The following NAV2 variants were observed in gnomAD, a reference collection of about 807,000 sequenced individuals.
NAV2 encodes neuron navigator 2.
A neutral mutation model predicts 223.2 loss-of-function variants in NAV2; 54 were observed. The observed-to-expected ratio is 0.24, with a 90% CI of 0.19 to 0.30. The LOEUF is 0.30. Among genes scored for constraint, NAV2 ranks in the 10% least tolerant of loss-of-function variants. The pLI is 1.00. For missense variants in NAV2, 2,806 were observed against 3,147.5 expected, an observed-to-expected ratio of 0.89 and a Z score of 2.60; for synonymous variants, 1,279 against 1,239.3, an observed-to-expected ratio of 1.03 and a Z score of -0.67.
At chr11:19,780,880 T>TTTTG (rs988549132) in intron 1 of NAV2, among the ~76,000 whole-genome samples, 94 of 152,246 alleles carry the variant, frequency 6.2e-4, no homozygotes, top group Non-Finnish European at 9.9e-4. Context: ...CAGGACTGTT[T>TTTTG]TTTGTTTGTT....
At chr11:20,057,629 T>C (rs923490601) in intron 19 of NAV2, among the ~76,000 whole-genome samples, 1 of 152,168 alleles carries the variant, frequency 6.6e-6, no homozygotes. Context: ...CCACAGAGCA[T>C]TTCCCAACCT....
At chr11:19,351,510 T>C (rs1011747250) in intron 1 of NAV2, among the ~76,000 whole-genome samples, 1 of 152,192 alleles carries the variant, frequency 6.6e-6, no homozygotes, top group Admixed American at 6.5e-5. Context: ...GTCACAGCCA[T>C]TTAAAATGGC....
At chr11:19,977,436 G>A (rs149798252) in intron 10 of NAV2, among the ~76,000 whole-genome samples, 37 of 152,338 alleles carry the variant, frequency 2.4e-4, no homozygotes, top group South Asian at 1.0e-3. Flanking sequence ...AGGCAATACT[G>A]TGTTCTTCGC....
At chr11:19,794,148 G>A (rs192718026) in intron 1 of NAV2, among the ~76,000 whole-genome samples, 158 of 152,240 alleles carry the variant, frequency 1.0e-3, no homozygotes, top group African/African-American at 3.6e-3. Context: ...CTGGTTCAAA[G>A]GTAGGGCCTA....
intron 1 of NAV2, among the ~76,000 whole-genome samples, chr11:19,585,778 G>C (rs2045876708): frequency 1.3e-5 from 2 of 152,130 alleles, no homozygotes; most frequent in Non-Finnish European, 2.9e-5. Flanking sequence ...TCCCTTTGTG[G>C]GTAACCCAAC....
At chr11:20,006,889 C>A (rs1026281562) in intron 11 of NAV2, among the ~76,000 whole-genome samples, 1 of 151,928 alleles carries the variant, frequency 6.6e-6, no homozygotes, top group Non-Finnish European at 1.5e-5. Context: ...TACAAAAATG[C>A]AAAATAATTT....
chr11:19,431,285 AG>A (rs1295563169), intron 1 of NAV2, among the ~76,000 whole-genome samples: 1 of 152,230 alleles, frequency 6.6e-6, no homozygotes, highest in African/African-American at 2.4e-5. Context: ...GAAGGTAAGC[AG>A]TCATTCTTCT....
chr11:19,710,674 C>T (rs1386505280), upstream of NAV2, among the ~76,000 whole-genome samples: 2 of 152,244 alleles, frequency 1.3e-5, no homozygotes, highest in Non-Finnish European at 2.9e-5. Context: ...GAATATCTCC[C>T]TGATCTTTAG....
At chr11:19,471,621 G>A (rs2041967775) in intron 1 of NAV2, among the ~76,000 whole-genome samples, 1 of 152,104 alleles carries the variant, frequency 6.6e-6, no homozygotes, top group African/African-American at 2.4e-5. Flanking sequence ...GCTGACTCAG[G>A]CTCTATGCTT....
chr11:20,086,732 T>C (rs1358027462), intron 26 of NAV2, among the ~76,000 whole-genome samples: 6 of 152,032 alleles, frequency 3.9e-5, no homozygotes, highest in African/African-American at 1.4e-4. Context: ...AAGTTGACAG[T>C]GTATGGTGAT....
intron 1 of NAV2, among the ~76,000 whole-genome samples, chr11:19,572,911 C>T (rs2045466443): frequency 6.6e-6 from 1 of 152,128 alleles, no homozygotes; most frequent in Non-Finnish European, 1.5e-5. Context: ...CTGAAGTTTG[C>T]CAAGGACCGC....
chr11:19,649,596 T>A (rs1332293146), intron 1 of NAV2, among the ~76,000 whole-genome samples: 1 of 152,194 alleles, frequency 6.6e-6, no homozygotes, highest in East Asian at 1.9e-4. Context: ...CTTTTATAAG[T>A]GCACTGATCC....
At chr11:19,689,938 T>C (rs913150426) in intron 1 of NAV2, among the ~76,000 whole-genome samples, 2 of 152,220 alleles carry the variant, frequency 1.3e-5, no homozygotes, top group Non-Finnish European at 2.9e-5. Context: ...TTTGGCCTTA[T>C]GTGTTGACTT....
rs978140657 is a variant in NAV2, at chr11:19,713,616, T to C, written c.-80T>C. ...GTGGGCTAAGGCCCGGCGCCTGCTC[T>C]GCTACCCGCGCTGCCTTTAGCGGTC... On this transcript the variant is annotated 5_prime_UTR_variant, in exon 1 of 38. Coordinates refer to ENST00000349880, the MANE Select transcript of NAV2 (RefSeq NM_145117.5). This position sits in a 1 kb window ranked among gnomAD's most constrained non-coding sequence, Gnocchi z 7.2. The C allele has an allele frequency of 2.7e-6, 4 of 1,470,516 alleles. No individual in the cohort carries two copies. The African/African-American group carries it at 4.3e-5, about 16-fold the overall frequency. The allele number at this position is 1,470,516 out of a possible 1,614,324, so 91.1% of individuals were successfully genotyped here.
chr11:19,925,113 C>T (rs1325722674), intron 6 of NAV2, among the ~76,000 whole-genome samples: 1 of 152,094 alleles, frequency 6.6e-6, no homozygotes, highest in Non-Finnish European at 1.5e-5. Context: ...AAGTTTTTTG[C>T]CCATTTTAAA....
intron 1 of NAV2, among the ~76,000 whole-genome samples, chr11:19,466,984 T>TACACACACACACACACACACACACAC (rs3042688): frequency 8.0e-6 from 1 of 125,142 alleles, no homozygotes; most frequent in Admixed American, 8.3e-5. Context: ...TCTCTCTCTC[T>TACACACACACACACACACACACACAC]ACACACACAC....
intron 26 of NAV2, among the ~76,000 whole-genome samples, chr11:20,088,589 C>A (rs928475530): frequency 6.6e-6 from 1 of 152,190 alleles, no homozygotes. Flanking sequence ...AGGACAAAGT[C>A]CTCCCAACAC....
intron 1 of NAV2, among the ~76,000 whole-genome samples, chr11:19,649,856 G>C (rs541564761): frequency 6.6e-6 from 1 of 152,182 alleles, no homozygotes; most frequent in Admixed American, 6.5e-5. Flanking sequence ...ATCATTGATA[G>C]CCAGGGAAAC....
At chr11:19,414,137 G>T (rs1850263221) in intron 1 of NAV2, among the ~76,000 whole-genome samples, 1 of 152,208 alleles carries the variant, frequency 6.6e-6, no homozygotes, top group South Asian at 2.1e-4. Flanking sequence ...ATTGGATAGA[G>T]TGAAGACCCA....
Sources: allele counts gnomAD v4.1 joint callset (sites outside exome capture counted in the v4.1 genomes callset), GRCh38; gene constraint gnomAD v4.1.1; non-coding constraint Gnocchi (gnomAD v3.1); transcripts MANE v1.5; gene names NCBI Gene and HGNC (gene_info 2026-07-23, HGNC 2026-07-21).